Variants in SLC25A53 observed in about 807,000 individuals in gnomAD.
The protein encoded by SLC25A53 is mitochondrial carrier triple repeat protein 6.
Under a neutral mutation model 15.0 loss-of-function variants are expected in SLC25A53, and 5 were observed. The ratio of observed to expected loss-of-function variants is 0.33; its 90% CI spans 0.17 to 0.70. The LOEUF is 0.70. Ranked by LOEUF, SLC25A53 falls within the 30% of genes least tolerant of loss-of-function variation. SLC25A53 has a pLI of 0.67. For missense variants in SLC25A53, 216 were observed against 241.6 expected, an observed-to-expected ratio of 0.89 and a Z score of 0.70; for synonymous variants, 95 against 100.0, an observed-to-expected ratio of 0.95 and a Z score of 0.30.
chrX:104,143,156 A>T (rs2075455871), intron 1 of SLC25A53, among the ~76,000 whole-genome samples: 1 of 111,298 alleles, frequency 9.0e-6, no homozygotes, highest in African/African-American at 3.3e-5. Context: ...AAACCAGCGC[A>T]GAAAGGCTGA....
At chrX:104,144,567 G>A (rs368449404) in intron 1 of SLC25A53, among the ~76,000 whole-genome samples, 1 of 111,709 alleles carries the variant, frequency 9.0e-6, no homozygotes, top group African/African-American at 3.3e-5. Flanking sequence ...CTGCAGACCA[G>A]AGCTGTTCCT....
At chrX:104,118,985 G>A (rs1355036164) in intron 1 of SLC25A53, among the ~76,000 whole-genome samples, 1 of 111,929 alleles carries the variant, frequency 8.9e-6, no homozygotes, top group Admixed American at 9.5e-5. Context: ...TCCCCCTTCA[G>A]AGTTGCATTA....
chrX:104,124,802 G>A (rs1024078275), intron 1 of SLC25A53, among the ~76,000 whole-genome samples: 13 of 101,572 alleles, frequency 1.3e-4, no homozygotes, highest in Admixed American at 4.3e-4. Flanking sequence ...ATTGTTTAGT[G>A]TAGCACACGC....
At chrX:104,128,777 T>C (rs782077452) in intron 1 of SLC25A53, among the ~76,000 whole-genome samples, 1 of 106,595 alleles carries the variant, frequency 9.4e-6, no homozygotes, top group South Asian at 3.9e-4. Flanking sequence ...CACACACACG[T>C]ACACACACAC....
At chrX:104,127,326 T>G (rs888677581) in intron 1 of SLC25A53, among the ~76,000 whole-genome samples, 1 of 111,835 alleles carries the variant, frequency 8.9e-6, no homozygotes, top group Admixed American at 9.5e-5. Context: ...GATTAATCAT[T>G]GCCAGGGAGC....
intron 1 of SLC25A53, chrX:104,114,357 A>T: frequency 1.7e-6 from 2 of 1,209,983 alleles, no homozygotes; most frequent in Non-Finnish European, 2.2e-6. Context: ...AGGAGGAAAA[A>T]CTCAAGCGCT....
chrX:104,114,676 C>A (rs782073514), intron 1 of SLC25A53: 1 of 1,210,255 alleles, frequency 8.3e-7, no homozygotes, highest in African/African-American at 1.7e-5. Context: ...TAGGGACCTG[C>A]GCTTCAGGCT....
intron 1 of SLC25A53, among the ~76,000 whole-genome samples, chrX:104,110,933 C>T (rs782465048): frequency 8.0e-4 from 90 of 112,742 alleles, no homozygotes; most frequent in Middle Eastern, 4.6e-3. Context: ...AGAAGGAAGA[C>T]GTTATGACAG....
At chrX:104,143,620 C>T (rs1399414027) in intron 1 of SLC25A53, among the ~76,000 whole-genome samples, 4 of 111,893 alleles carry the variant, frequency 3.6e-5, no homozygotes, top group South Asian at 3.7e-4. Context: ...ACCAAATCTA[C>T]GTTTGATTGG....
intron 1 of SLC25A53, among the ~76,000 whole-genome samples, chrX:104,150,700 C>T (rs183061542): frequency 2.3e-3 from 256 of 112,322 alleles, no homozygotes; most frequent in Non-Finnish European, 4.0e-3. Flanking sequence ...GAATTATTCC[C>T]ATTTCCTAAC....
chrX:104,150,749 T>C (rs1253539972), intron 1 of SLC25A53, among the ~76,000 whole-genome samples: 2 of 111,838 alleles, frequency 1.8e-5, no homozygotes, highest in African/African-American at 6.5e-5. Flanking sequence ...TCTTTAAATC[T>C]TCCCCAAATT....
At chrX:104,115,991 A>C (rs2075375597) in intron 1 of SLC25A53, 1 of 112,121 alleles carries the variant, frequency 8.9e-6, no homozygotes. Flanking sequence ...TGGACTGAAT[A>C]TCTCCCATAC....
intron 1 of SLC25A53, among the ~76,000 whole-genome samples, chrX:104,144,997 A>G (rs782196185): frequency 8.9e-6 from 1 of 112,196 alleles, no homozygotes; most frequent in Non-Finnish European, 1.9e-5. Context: ...CCCCAAATCA[A>G]CAGAATATAC....
intron 1 of SLC25A53, among the ~76,000 whole-genome samples, chrX:104,122,077 C>T (rs2075396233): frequency 9.7e-6 from 1 of 103,595 alleles, no homozygotes; most frequent in Admixed American, 1.1e-4. Flanking sequence ...TGGCCTGATT[C>T]TTCTGTATTC....
chrX:104,104,146 T>C lies in SLC25A53; in HGVS notation c.*188A>G. The C allele has an allele frequency of 2.3e-6, 1 of 430,660 alleles. No individual in the cohort carries two copies. The allele number at this position is 430,660 out of a possible 1,213,427, so 35.5% of individuals were successfully genotyped here. On this transcript the variant is annotated 3_prime_UTR_variant, in exon 2 of 2. Transcript: ENST00000594199. ...GAGAGACTGGGGTGAACGTTTCTTT[T>C]TGACTAAGGAATACTTTTGGGCTTT...
intron 1 of SLC25A53, among the ~76,000 whole-genome samples, chrX:104,128,987 C>A (rs1248804240): frequency 1.8e-5 from 2 of 111,911 alleles, no homozygotes; most frequent in African/African-American, 6.5e-5. Context: ...TGTCTAAAGA[C>A]ACCTTCTTTA....
chrX:104,143,102 G>T (rs950055093), intron 1 of SLC25A53, among the ~76,000 whole-genome samples: 4 of 110,733 alleles, frequency 3.6e-5, no homozygotes, highest in East Asian at 5.7e-4. Context: ...GGTAGGTCAC[G>T]AACGTCAAAG....
intron 1 of SLC25A53, chrX:104,115,131 CAGG>C: frequency 8.3e-7 from 1 of 1,205,427 alleles, no homozygotes; most frequent in Admixed American, 2.2e-5. Context: ...TTCGTAGAGC[CAGG>C]AAGCGAAAAT....
chrX:104,152,717 C>T (rs1556370592), intron 1 of SLC25A53, among the ~76,000 whole-genome samples: 1 of 111,739 alleles, frequency 8.9e-6, no homozygotes, highest in Non-Finnish European at 1.9e-5. Context: ...GGATTACAGG[C>T]GTGAGCCACC....
Sources: gnomAD v4.1 joint callset for allele counts (sites outside exome capture counted in the v4.1 genomes callset) on GRCh38, gnomAD v4.1.1 for gene constraint, MANE v1.5 for transcripts, NCBI Gene and HGNC (gene_info 2026-07-23, HGNC 2026-07-21) for gene names.